The following MORF4L1 variants were observed in gnomAD, a reference collection of about 807,000 sequenced individuals.
MORF4L1 encodes the protein mortality factor 4 like 1, also known as mortality factor 4-like protein 1.
In MORF4L1, 4 loss-of-function variants were observed where a neutral mutation model predicts 52.9. The observed-to-expected ratio is 0.08, with a 90% confidence interval of 0.04 to 0.17. The LOEUF is 0.17. MORF4L1 is among the 10% of genes least tolerant of loss of function. The probability of loss-of-function intolerance (pLI) is 1.00; values close to 1 mark genes in which losing one functional copy is unlikely to be tolerated. For missense variants in MORF4L1, 214 were observed against 390.4 expected (o/e 0.55, Z 3.81); for synonymous variants, 123 against 134.8 (o/e 0.91, Z 0.61).
chr15:78,873,397 A>G (rs1239771582), intron 1 of MORF4L1, among the ~76,000 whole-genome samples: 1 of 109,966 alleles, frequency 9.1e-6, no homozygotes, highest in Admixed American at 9.8e-5. Context: ...GGCGGCGGTT[A>G]GGGGAAGTGA....
chr15:78,890,861 C>T (rs1849933628), intron 5 of MORF4L1, 128 bp from the exon 6 acceptor site: 2 of 853,286 alleles, frequency 2.3e-6, no homozygotes, highest in Non-Finnish European at 3.2e-6. Context: ...CTGAGTAGGA[C>T]ACATATTTAC....
At chr15:78,893,708 C>T (rs1010499872) in intron 9 of MORF4L1, 81 bp downstream of exon 9, 42 of 914,802 alleles carry the variant, frequency 4.6e-5, no homozygotes, top group Middle Eastern at 2.3e-4. Flanking sequence ...CTTGTACTGA[C>T]TCCGAAACAT....
rs1471786321 is a variant in MORF4L1, at chr15:78,892,209, T to C, written c.439-3T>C. The C allele has an allele frequency of 1.2e-5, 19 of 1,600,740 alleles. No individual in the cohort carries two copies. The highest frequency in any genetic ancestry group is 1.6e-5 in the Non-Finnish European group (19 of 1,169,904). ...TTTTAATACTCCTCCTGTTTCTGTT[T>C]AGGAGGAAACATTCATGAACAGAGT... is the stretch of plus-strand genomic sequence containing the variant. On this transcript the variant is annotated splice_polypyrimidine_tract_variant and splice_region_variant and intron_variant, in intron 7 of 11. Transcript: ENST00000426013.
At chr15:78,874,983 C>A (rs553391230) in intron 1 of MORF4L1, among the ~76,000 whole-genome samples, 1 of 152,066 alleles carries the variant, frequency 6.6e-6, no homozygotes, top group African/African-American at 2.4e-5. Flanking sequence ...ATTTTCATAT[C>A]TCAACATTAC....
chr15:78,896,813 T>C (rs10519218), intron 11 of MORF4L1, among the ~76,000 whole-genome samples, 170 bp from the exon 12 acceptor site: 15,286 of 152,236 alleles, frequency 0.1, 1,015 homozygotes, highest in South Asian at 0.25. Context: ...TTGTATAACC[T>C]TATTTATTTA....
chr15:78,882,019 T>C (rs929236767), intron 3 of MORF4L1, among the ~76,000 whole-genome samples: 48 of 152,230 alleles, frequency 3.2e-4, no homozygotes, highest in African/African-American at 1.2e-3. Context: ...GGAAGTTGTT[T>C]TCACGTATCA....
At chr15:78,885,581 A>G (rs1204894390) in intron 3 of MORF4L1, among the ~76,000 whole-genome samples, 7 of 152,204 alleles carry the variant, frequency 4.6e-5, no homozygotes, top group Non-Finnish European at 1.5e-5. Context: ...GTGTTTGAGT[A>G]TTGTAGACTT....
chr15:78,891,549 C>A lies in MORF4L1; in HGVS notation c.415C>A (p.Arg139=). Residue 139 remains arginine (R), a synonymous_variant, in exon 7 of 12, where the codon CGG becomes AGG. Coordinates refer to ENST00000426013, the MANE Select transcript of MORF4L1 (RefSeq NM_006791.4). ...TPQPPRKKRA[R]VDPTVENEET... ...TCAGCCTCCTCGGAAGAAAAGGGCC[C>A]GGGTAGATCCTACTGTTGAAAATGT... The A allele has an allele frequency of 1.1e-5, 17 of 1,613,394 alleles. No individual in the cohort carries two copies. Among genetic ancestry groups the A allele is most frequent in the Non-Finnish European group, 1.4e-5 (17 of 1,179,494 alleles).
At chr15:78,884,539 TG>T (rs2056661067) in intron 3 of MORF4L1, among the ~76,000 whole-genome samples, 1 of 150,192 alleles carries the variant, frequency 6.7e-6, no homozygotes, top group South Asian at 2.1e-4. Flanking sequence ...CTCAGGAGGC[TG>T]AGGCAGGAGA....
chr15:78,874,097 C>G (rs1053153770), intron 1 of MORF4L1, among the ~76,000 whole-genome samples: 2 of 152,252 alleles, frequency 1.3e-5, no homozygotes, highest in South Asian at 2.1e-4. Flanking sequence ...ATTTTCACAA[C>G]GCTTCAGTTA....
At chr15:78,883,058 T>C (rs1440425785) in intron 3 of MORF4L1, among the ~76,000 whole-genome samples, 1 of 151,760 alleles carries the variant, frequency 6.6e-6, no homozygotes, top group Non-Finnish European at 1.5e-5. Flanking sequence ...CTACTAAAAA[T>C]AAAAAAATTA....
chr15:78,873,685 A>C (rs1388213998), intron 1 of MORF4L1: 6 of 154,018 alleles, frequency 3.9e-5, no homozygotes, highest in African/African-American at 1.4e-4. Context: ...GCCCCCTTCC[A>C]CGACGACCAG....
intron 3 of MORF4L1, chr15:78,884,893 G>T: frequency 9.9e-7 from 1 of 1,005,044 alleles, no homozygotes; most frequent in Non-Finnish European, 1.4e-6. Context: ...ATTTGTAAAT[G>T]AATCTTAATA....
intron 1 of MORF4L1, among the ~76,000 whole-genome samples, chr15:78,875,079 C>A (rs1399733264): frequency 6.6e-6 from 1 of 152,134 alleles, no homozygotes; most frequent in Non-Finnish European, 1.5e-5. Context: ...TCTTGTTTGT[C>A]CTGTAATGTC....
chr15:78,891,619 TC>T, intron 7 of MORF4L1, 47 bp downstream of exon 7: 2 of 1,434,070 alleles, frequency 1.4e-6, no homozygotes, highest in Non-Finnish European at 2.0e-6. Context: ...ATTTTTAGTC[TC>T]AGTTACATGA....
At chr15:78,894,416 ATTT>A (rs905495747) in intron 10 of MORF4L1, 186 bp downstream of exon 10, 11 of 372,798 alleles carry the variant, frequency 3.0e-5, no homozygotes, top group African/African-American at 2.2e-4. Flanking sequence ...TTATTTTATA[ATTT>A]TTTTTTTTTG....
intron 11 of MORF4L1, among the ~76,000 whole-genome samples, chr15:78,896,028 G>GAGT (rs997020704): frequency 6.6e-6 from 1 of 152,014 alleles, no homozygotes; most frequent in African/African-American, 2.4e-5. Flanking sequence ...GCCCAGGCTG[G>GAGT]AGTGCAGTGA....
At chr15:78,873,201 T>C (rs1596234480) in intron 1 of MORF4L1, 144 bp downstream of exon 1, 6 of 1,515,974 alleles carry the variant, frequency 4.0e-6, no homozygotes, top group South Asian at 2.5e-5. Context: ...GGAAAGCGCA[T>C]TGCGGATGGC....
chr15:78,886,278 T>A, intron 4 of MORF4L1, 51 bp downstream of exon 4: 1 of 1,450,588 alleles, frequency 6.9e-7, no homozygotes. Flanking sequence ...TGTAGATTAA[T>A]TCTGGACATG....
Sources: allele counts gnomAD v4.1 joint callset (sites outside exome capture counted in the v4.1 genomes callset), GRCh38; gene constraint gnomAD v4.1.1; transcripts MANE v1.5; gene names NCBI Gene and HGNC (gene_info 2026-07-23, HGNC 2026-07-21).